The following EXOC6B variants were observed in gnomAD, a reference collection of about 807,000 sequenced individuals.
The protein encoded by EXOC6B is SEC15 homolog B.
Under a neutral mutation model 113.5 loss-of-function variants are expected in EXOC6B, and 54 were observed. That is an observed-to-expected ratio of 0.48 (90% CI 0.38 to 0.60). The LOEUF (loss-of-function observed/expected upper bound fraction) is 0.60, where lower values mean the gene tolerates loss of function less well. EXOC6B is among the 20% of genes least tolerant of loss of function. The pLI, the probability that EXOC6B is intolerant of heterozygous loss-of-function variation, is 0.00. For synonymous variants in EXOC6B, 357 were observed against 339.0 expected (o/e 1.05, Z -0.58); for missense variants, 797 against 977.5 (o/e 0.82, Z 2.46).
intron 20 of EXOC6B, among the ~76,000 whole-genome samples, chr2:72,193,685 G>A (rs1678990623): frequency 6.6e-6 from 1 of 152,144 alleles, no homozygotes; most frequent in South Asian, 2.1e-4. Flanking sequence ...AGCCAGGTAG[G>A]TGGTGACTGG....
chr2:72,496,579 C>T lies in EXOC6B; in HGVS notation c.1338-20G>A. Reference sequence around the variant, plus strand: ...ATGTTTCTATAAATGGAAGGATAGACAAAGGGAAGGGAAGGATAGACAAAG... The same window carrying T: ...ATGTTTCTATAAATGGAAGGATAGATAAAGGGAAGGGAAGGATAGACAAAG... On this transcript the variant is annotated intron_variant, in intron 13 of 21. Coordinates refer to ENST00000272427, the MANE Select transcript of EXOC6B (RefSeq NM_015189.3). 1 of 1,208,272 alleles carries T rather than the reference C, an allele frequency of 8.3e-7. No homozygotes were observed. The highest frequency in any genetic ancestry group is 1.2e-6 in the Non-Finnish European group (1 of 851,052). 74.8% of individuals were successfully genotyped at this position (1,208,272 alleles called of 1,614,324 possible). A position where few individuals can be genotyped will look rare whatever the true frequency, so the allele number is the denominator to read the frequency against.
At chr2:72,761,138 C>T (rs1421129353) in intron 1 of EXOC6B, among the ~76,000 whole-genome samples, 1 of 152,034 alleles carries the variant, frequency 6.6e-6, no homozygotes, top group Non-Finnish European at 1.5e-5. Context: ...CGAGATTGTG[C>T]CACTGCACTG....
At chr2:72,182,939 G>A (rs780940745) in intron 21 of EXOC6B, 2 of 1,224,744 alleles carry the variant, frequency 1.6e-6, no homozygotes, top group East Asian at 3.2e-5. Flanking sequence ...AGAGAACCAT[G>A]GGAAACAAAG....
At chr2:72,319,072 TA>T (rs1258107006) in intron 20 of EXOC6B, among the ~76,000 whole-genome samples, 1 of 151,824 alleles carries the variant, frequency 6.6e-6, no homozygotes, top group Non-Finnish European at 1.5e-5. Context: ...TAATTTACAT[TA>T]AGGAGTAATT....
chr2:72,754,078 G>C (rs535922328), intron 1 of EXOC6B, among the ~76,000 whole-genome samples: 1 of 152,070 alleles, frequency 6.6e-6, no homozygotes, highest in African/African-American at 2.4e-5. Flanking sequence ...GTAGAGACAA[G>C]GTCTCACTAT....
chr2:72,286,198 G>A (rs1393688014), intron 20 of EXOC6B, among the ~76,000 whole-genome samples: 1 of 152,176 alleles, frequency 6.6e-6, no homozygotes, highest in Non-Finnish European at 1.5e-5. Context: ...GCACATGAAT[G>A]TTTATAGCAA....
At chr2:72,736,566 T>C (rs1387506413) in intron 2 of EXOC6B, among the ~76,000 whole-genome samples, 1 of 152,204 alleles carries the variant, frequency 6.6e-6, no homozygotes, top group African/African-American at 2.4e-5. Flanking sequence ...AGTTCAAGTA[T>C]TCCTGCTGGG....
intron 6 of EXOC6B, among the ~76,000 whole-genome samples, chr2:72,695,054 G>A (rs896536611): frequency 6.6e-6 from 1 of 152,194 alleles, no homozygotes; most frequent in Non-Finnish European, 1.5e-5. Context: ...TGAACCAGGA[G>A]AACTGTCAAC....
intron 18 of EXOC6B, among the ~76,000 whole-genome samples, chr2:72,436,169 C>A (rs1379444393): frequency 6.6e-6 from 1 of 152,126 alleles, no homozygotes; most frequent in Non-Finnish European, 1.5e-5. Context: ...TTTAGTTTGG[C>A]TGGATATGAA....
intron 1 of EXOC6B, among the ~76,000 whole-genome samples, chr2:72,742,719 CTCT>C (rs1171499978): frequency 1.3e-5 from 2 of 152,174 alleles, no homozygotes; most frequent in African/African-American, 4.8e-5. Context: ...GCTCCTCCTC[CTCT>C]ATTACATTCC....
At chr2:72,514,979 ACG>A (rs1338327344) in intron 9 of EXOC6B, 62 bp downstream of exon 9, 16 of 1,155,696 alleles carry the variant, frequency 1.4e-5, no homozygotes, top group South Asian at 2.7e-5. Context: ...ACACACACAC[ACG>A]CATCAAAAGA....
At chr2:72,406,899 A>C (rs1216933551) in intron 18 of EXOC6B, among the ~76,000 whole-genome samples, 1 of 152,236 alleles carries the variant, frequency 6.6e-6, no homozygotes, top group Non-Finnish European at 1.5e-5. Context: ...CCCTTCAAAA[A>C]ATCAATGAAT....
intron 20 of EXOC6B, among the ~76,000 whole-genome samples, chr2:72,308,851 C>A (rs1204205763): frequency 6.6e-6 from 1 of 152,022 alleles, no homozygotes; most frequent in Non-Finnish European, 1.5e-5. Context: ...TATCTGCTTT[C>A]TTTTACTTTT....
chr2:72,568,760 T>A (rs1291897947), intron 7 of EXOC6B, among the ~76,000 whole-genome samples: 2 of 151,946 alleles, frequency 1.3e-5, no homozygotes, highest in Admixed American at 6.6e-5. Flanking sequence ...AAAAGTAGAA[T>A]AAGGCATTCT....
intron 18 of EXOC6B, among the ~76,000 whole-genome samples, chr2:72,448,697 C>A (rs1294100928): frequency 3.3e-5 from 5 of 152,014 alleles, no homozygotes; most frequent in African/African-American, 9.7e-5. Context: ...AAAAAACTCC[C>A]TTGGTTTGGA....
intron 16 of EXOC6B, among the ~76,000 whole-genome samples, chr2:72,486,140 C>T (rs866501108): frequency 1.9e-4 from 29 of 151,946 alleles, no homozygotes; most frequent in African/African-American, 6.3e-4. Flanking sequence ...GAGGCTGAGG[C>T]GGGTGGATCA....
chr2:72,768,121 T>TAAAAAAAA (rs70963144), intron 1 of EXOC6B, among the ~76,000 whole-genome samples: 1 of 108,394 alleles, frequency 9.2e-6, no homozygotes, highest in Non-Finnish European at 1.8e-5. Flanking sequence ...GAGACTCCGT[T>TAAAAAAAA]AAAAAAAAAA....
At position 72,179,310 on chromosome 2, in the gene EXOC6B, G is replaced by A. The variant is rs371546534; in HGVS notation, c.*25C>T. 83 of 1,564,772 alleles carry A rather than the reference G, an allele frequency of 5.3e-5. No individual in the cohort carries two copies. In the Admixed American group the frequency reaches 6.0e-4, roughly 11 times the overall value. On this transcript the variant is annotated 3_prime_UTR_variant, in exon 22 of 22. Coordinates refer to ENST00000272427, the MANE Select transcript of EXOC6B (RefSeq NM_015189.3). ...ACTGACACAGAGGCTGCAGCAGGTC[G>A]CCTCTGTGGGTCCGGGGTCACCCTT...
intron 12 of EXOC6B, 83 bp downstream of exon 12, chr2:72,499,818 G>T: frequency 1.1e-6 from 1 of 938,786 alleles, no homozygotes; most frequent in Non-Finnish European, 1.7e-6. Context: ...ACAGGCAAAA[G>T]CCACCAGACC....
Sources: gnomAD v4.1 joint callset for allele counts (sites outside exome capture counted in the v4.1 genomes callset) on GRCh38, gnomAD v4.1.1 for gene constraint, MANE v1.5 for transcripts, NCBI Gene and HGNC (gene_info 2026-07-23, HGNC 2026-07-21) for gene names.